MMRN1: variants seen among roughly 807,000 people sequenced by gnomAD.
MMRN1 encodes multimerin 1, also known as multimerin-1.
In MMRN1, 94 loss-of-function variants were observed where a neutral mutation model predicts 100.7. The ratio of observed to expected loss-of-function variants is 0.93; its 90% CI spans 0.79 to 1.11. The LOEUF (loss-of-function observed/expected upper bound fraction) is 1.11. Ranked by LOEUF, MMRN1 falls within the 50% of genes least tolerant of loss-of-function variation. The probability of loss-of-function intolerance (pLI) is 0.00; values close to 1 mark genes in which losing one functional copy is unlikely to be tolerated. For missense variants in MMRN1, 1,606 were observed against 1,439.1 expected (o/e 1.12, Z -1.88); for synonymous variants, 575 against 505.0 (o/e 1.14, Z -1.86).
At chr4:89,945,795 A>G (rs961310281) in intron 6 of MMRN1, among the ~76,000 whole-genome samples, 1 of 152,200 alleles carries the variant, frequency 6.6e-6, no homozygotes. Flanking sequence ...ATACAACTAA[A>G]TGTGCCTTAA....
intron 6 of MMRN1, among the ~76,000 whole-genome samples, chr4:89,947,132 A>G (rs559598245): frequency 6.6e-6 from 1 of 152,176 alleles, no homozygotes; most frequent in East Asian, 1.9e-4. Flanking sequence ...AAATACAAAA[A>G]ATAGCCTGGC....
intron 1 of MMRN1, among the ~76,000 whole-genome samples, chr4:89,899,309 A>C (rs1721308370): frequency 1.3e-5 from 2 of 151,992 alleles, no homozygotes; most frequent in Non-Finnish European, 2.9e-5. Context: ...ACTTTGAAAT[A>C]GGAAGGATGG....
At chr4:89,911,768 A>G (rs1187787627) in intron 2 of MMRN1, among the ~76,000 whole-genome samples, 176 bp from the exon 3 acceptor site, 4 of 151,410 alleles carry the variant, frequency 2.6e-5, no homozygotes, top group African/African-American at 9.7e-5. Context: ...ATGTATTGAA[A>G]GAAACCTAAG....
At chr4:89,909,069 T>C (rs1418803017) in intron 1 of MMRN1, among the ~76,000 whole-genome samples, 1 of 151,520 alleles carries the variant, frequency 6.6e-6, no homozygotes, top group Admixed American at 6.6e-5. Context: ...TTGATCTTGT[T>C]AGTGTTTCCT....
chr4:89,915,012 T>C (rs1169277838), intron 3 of MMRN1, among the ~76,000 whole-genome samples: 1 of 151,602 alleles, frequency 6.6e-6, no homozygotes, highest in African/African-American at 2.4e-5. Context: ...ATATTATGAA[T>C]GCTGACAAAA....
Position 89,935,742 on chromosome 4 carries a change from C to A in MMRN1, c.2062C>A (p.Leu688Ile). Residue 688 changes from leucine (L) to isoleucine (I), a missense_variant, in exon 6 of 8, where the codon CTA becomes ATA. Leu to Ile is a conservative substitution (Grantham distance 5). Transcript: ENST00000264790. ...AAATCTGACTAGTGCTGTCAATAGT[C>A]TAAATTTTATTATCAAAGAACTTAC... ...IENLTSAVNS[L>I]NFIIKELTKR... The A allele has an allele frequency of 6.2e-7, 1 of 1,611,562 alleles. No individual in the cohort carries two copies. The highest frequency in any genetic ancestry group is 1.1e-5 in the South Asian group (1 of 90,482).
intron 3 of MMRN1, among the ~76,000 whole-genome samples, chr4:89,919,800 T>C (rs1309099931): frequency 6.6e-6 from 1 of 152,138 alleles, no homozygotes; most frequent in African/African-American, 2.4e-5. Flanking sequence ...TTCAGTGTCT[T>C]TGATAATTTA....
rs753971835 is a variant in MMRN1 at position 89,927,982 on chromosome 4, A to G, written c.1129+14A>G. The G allele has an allele frequency of 2.6e-6, 4 of 1,520,548 alleles. No homozygotes were observed. The highest frequency in any genetic ancestry group is 2.1e-5 in the Admixed American group (1 of 46,992). The allele number at this position is 1,520,548 out of a possible 1,614,324, so 94.2% of individuals were successfully genotyped here. On this transcript the variant is annotated intron_variant, in intron 5 of 7. Transcript: ENST00000264790. ...CTCTTCTAAAAGGTAAAAATGAAAT[A>G]AAATAAAATATTCATTCAGTAACAC...
intron 3 of MMRN1, among the ~76,000 whole-genome samples, chr4:89,914,579 T>C (rs541752828): frequency 2.6e-5 from 4 of 151,546 alleles, no homozygotes; most frequent in Non-Finnish European, 4.4e-5. Flanking sequence ...GTAATAGTTC[T>C]GATATGTTTT....
chr4:89,903,876 C>T (rs1283286912), intron 1 of MMRN1, among the ~76,000 whole-genome samples: 1 of 147,506 alleles, frequency 6.8e-6, no homozygotes, highest in African/African-American at 2.5e-5. Flanking sequence ...CCACCCCTCA[C>T]CCTTGCCTAA....
intron 6 of MMRN1, among the ~76,000 whole-genome samples, chr4:89,942,111 G>T (rs887489964): frequency 6.6e-6 from 1 of 152,014 alleles, no homozygotes; most frequent in Non-Finnish European, 1.5e-5. Context: ...TCTAACATTT[G>T]CTCTGACATG....
At chr4:89,948,244 C>G (rs1236063241) in intron 6 of MMRN1, among the ~76,000 whole-genome samples, 2 of 152,134 alleles carry the variant, frequency 1.3e-5, no homozygotes, top group Non-Finnish European at 2.9e-5. Context: ...TGTTATAAGG[C>G]TCTGTACTTG....
chr4:89,904,853 C>G (rs1366666684), intron 1 of MMRN1, among the ~76,000 whole-genome samples: 1 of 151,660 alleles, frequency 6.6e-6, no homozygotes, highest in Non-Finnish European at 1.5e-5. Context: ...TCCTCAGGGA[C>G]TTAATAATTG....
chr4:89,927,760 T>A lies in MMRN1; in HGVS notation c.956-35T>A, dbSNP rs1722306667. 1.9e-6 allele frequency: 3 copies of A among 1,581,544 alleles called. No homozygotes were observed. The African/African-American group carries it at 4.1e-5, about 22-fold the overall frequency. ...ATACCAACTATGGGTCAAAATATAT[T>A]TTTTAATGGTCTCAATTTTCTCTTC... On this transcript the variant is annotated intron_variant, in intron 4 of 7. Coordinates refer to ENST00000264790, the MANE Select transcript of MMRN1 (RefSeq NM_007351.3).
Position 89,953,921 on chromosome 4 carries a change from A to C in MMRN1, c.*503A>C, listed in dbSNP as rs1388704526. 2 of 152,184 alleles carry C rather than the reference A, an allele frequency of 1.3e-5. No homozygotes were observed. Among genetic ancestry groups the C allele is most frequent in the Non-Finnish European group, 2.9e-5 (2 of 68,036 alleles). The allele number at this position is 152,184 out of a possible 1,614,324, so 9.4% of individuals were successfully genotyped here. On this transcript the variant is annotated 3_prime_UTR_variant, in exon 8 of 8. Coordinates refer to ENST00000264790, the MANE Select transcript of MMRN1 (RefSeq NM_007351.3). ...GTTGAGTTGATCAATTTTCCATACT[A>C]AGATTTTCATTCAGAATCAAAATTA...
chr4:89,901,867 C>T (rs1303644041), intron 1 of MMRN1: 2 of 151,884 alleles, frequency 1.3e-5, no homozygotes, highest in African/African-American at 4.8e-5. Context: ...TTTGTATTCG[C>T]ACAACTTCTG....
At chr4:89,913,494 G>A (rs1721819738) in intron 3 of MMRN1, among the ~76,000 whole-genome samples, 2 of 151,194 alleles carry the variant, frequency 1.3e-5, no homozygotes, top group South Asian at 4.2e-4. Flanking sequence ...CACTATGGTG[G>A]ACTACATACA....
At chr4:89,894,181 A>G (rs981288882), upstream of MMRN1, among the ~76,000 whole-genome samples, 5 of 152,178 alleles carry the variant, frequency 3.3e-5, no homozygotes, top group Admixed American at 2.0e-4. Flanking sequence ...CTGATTATTT[A>G]TTCCATTAGT....
rs576914761 is a variant in MMRN1 at position 89,889,651 on chromosome 4, C to A, written c.-248-5073C>A. 4.9e-4 allele frequency among the ~76,000 whole-genome samples: 74 copies of A among 152,126 alleles called. 2 individuals are homozygous for A. The highest frequency in any genetic ancestry group is 1.3e-4 in the Non-Finnish European group (9 of 68,024). ...CCCTGGTGTGGCCCTGCGTGATGTGCTGTGCCCTCTTCCCCAGGGCTTTAG... is the reference window on the plus strand; with the variant it reads ...CCCTGGTGTGGCCCTGCGTGATGTGATGTGCCCTCTTCCCCAGGGCTTTAG... On this transcript the variant is annotated intron_variant, in intron 1 of 8. Transcript: ENST00000394980.
Sources: gnomAD v4.1 joint callset for allele counts (sites outside exome capture counted in the v4.1 genomes callset) on GRCh38, gnomAD v4.1.1 for gene constraint, MANE v1.5 for transcripts, NCBI Gene and HGNC (gene_info 2026-07-23, HGNC 2026-07-21) for gene names.